HUWE1: variants seen among roughly 807,000 people sequenced by gnomAD.
HUWE1 encodes the protein HECT, UBA and WWE domain containing E3 ubiquitin protein ligase 1.
Under a neutral mutation model 299.4 loss-of-function variants are expected in HUWE1, and 18 were observed. The observed-to-expected ratio is 0.06, with a 90% confidence interval of 0.04 to 0.09. HUWE1 has a LOEUF of 0.09. Among genes scored for constraint, HUWE1 ranks in the 10% least tolerant of loss-of-function variants. The pLI, the probability that HUWE1 is intolerant of heterozygous loss-of-function variation, is 1.00. For synonymous variants in HUWE1, 1,317 were observed against 1,286.1 expected, an observed-to-expected ratio of 1.02 and a Z score of -0.51; for missense variants, 1,832 against 3,462.3, an observed-to-expected ratio of 0.53 and a Z score of 11.82.
intron 74 of HUWE1, among the ~76,000 whole-genome samples, chrX:53,541,524 G>A (rs112640988): frequency 9.0e-6 from 1 of 111,679 alleles, no homozygotes; most frequent in Non-Finnish European, 1.9e-5. Flanking sequence ...AATCCAGGAG[G>A]CGGAGGTTGC....
intron 37 of HUWE1, among the ~76,000 whole-genome samples, chrX:53,587,514 C>T (rs782138231): frequency 5.0e-4 from 56 of 111,913 alleles, no homozygotes; most frequent in Non-Finnish European, 8.7e-4. Flanking sequence ...ACAGTCTTAT[C>T]CCAATTGCTT....
chrX:53,578,485 G>A lies in HUWE1; in HGVS notation c.5717-1418C>T, dbSNP rs782639764. On this transcript the variant is annotated intron_variant, in intron 43 of 83. Transcript: ENST00000262854. Reference sequence around the variant, plus strand: ...GTCGCCCCGTCCAGGAGGGAGGTGGGGGGGTCAGCCCCCGGCCCGGCCAGC... The same window carrying A: ...GTCGCCCCGTCCAGGAGGGAGGTGGAGGGGTCAGCCCCCGGCCCGGCCAGC... Among the ~76,000 whole-genome samples, 77 of 100,559 alleles carry A rather than the reference G, an allele frequency of 7.7e-4. 1 individual carries two copies. In the South Asian group the frequency reaches 0.037, roughly 49 times the overall value. 87.3% of individuals were successfully genotyped at this position (100,559 alleles called of 115,157 possible). A position where few individuals can be genotyped will look rare whatever the true frequency, so the allele number is the denominator to read the frequency against.
At chrX:53,596,479 C>A (rs782383594) in intron 29 of HUWE1, among the ~76,000 whole-genome samples, 28 of 112,160 alleles carry the variant, frequency 2.5e-4, no homozygotes, top group African/African-American at 7.4e-4. Context: ...CACTTATACA[C>A]GGTGCCATTT....
At chrX:53,663,407 G>A (rs782342936) in intron 3 of HUWE1, among the ~76,000 whole-genome samples, 4 of 111,317 alleles carry the variant, frequency 3.6e-5, no homozygotes, top group Non-Finnish European at 7.5e-5. Flanking sequence ...CAGCTACTTC[G>A]GAGGCTGAGG....
intron 7 of HUWE1, among the ~76,000 whole-genome samples, chrX:53,640,475 T>C (rs1301060371): frequency 8.9e-6 from 1 of 112,280 alleles, no homozygotes; most frequent in Non-Finnish European, 1.9e-5. Context: ...ATATTAGTAT[T>C]GGAGGTACCA....
Position 53,641,960 on chromosome X carries a change from C to T in HUWE1, c.504+3351G>A, listed in dbSNP as rs149334358. Among the ~76,000 whole-genome samples, 235 of 110,964 alleles carry T rather than the reference C, an allele frequency of 2.1e-3. 2 individuals are homozygous for T. The highest frequency in any genetic ancestry group is 7.5e-3 in the African/African-American group (228 of 30,516). On this transcript the variant is annotated intron_variant, in intron 7 of 83. Coordinates refer to ENST00000262854, the MANE Select transcript of HUWE1 (RefSeq NM_031407.7). ...TATCCATAGGGATACATTCCAAGAC[C>T]CCTAGTGGATACCCGAAAATACAGG... is the stretch of plus-strand genomic sequence containing the variant.
At position 53,607,546 on chromosome X, in the gene HUWE1, C is replaced by T; in HGVS notation, c.2473G>A (p.Ala825Thr). 8.3e-7 allele frequency: 1 copy of T among 1,211,440 alleles called. No individual in the cohort carries two copies. Among genetic ancestry groups the T allele is most frequent in the Middle Eastern group, 2.3e-4 (1 of 4,356 alleles). ...FPTSAACQAV[A>T]GVCKSILTLS... ...ACCAATATGGATTTGCAGACACCTGCAACAGCCTGACAGGCAGCAGATGTG... is the reference window on the plus strand; with the variant it reads ...ACCAATATGGATTTGCAGACACCTGTAACAGCCTGACAGGCAGCAGATGTG... Residue 825 changes from alanine to threonine, a missense_variant, in exon 25 of 84, where the codon GCA becomes ACA. Ala to Thr is a moderately conservative substitution (Grantham distance 58). This residue lies in a region of HUWE1 where 658 missense variants were observed against 1,282.6 expected (regional missense o/e 0.51). Transcript: ENST00000262854.
Position 53,628,798 on chromosome X carries a change from A to G in HUWE1, c.1068T>C (p.His356=). 8.3e-7 allele frequency: 1 copy of G among 1,211,494 alleles called. No individual in the cohort carries two copies. Among genetic ancestry groups the G allele is most frequent in the South Asian group, 1.8e-5 (1 of 56,983 alleles). The part of the protein sequence containing the change: ...IIDCTGTASY[H]GFLPVLVRNC... ...TCCTTACAAGCACTGGCAAAAATCC[A>G]TGGTAGGAGGCAGTTCCAGTACAGT... Residue 356 remains histidine, a synonymous_variant, in exon 14 of 84, where the codon CAT becomes CAC. Coordinates refer to ENST00000262854, the MANE Select transcript of HUWE1 (RefSeq NM_031407.7).
At chrX:53,584,668 AG>A (rs1469862070) in intron 40 of HUWE1, among the ~76,000 whole-genome samples, 5 of 111,784 alleles carry the variant, frequency 4.5e-5, no homozygotes, top group African/African-American at 1.6e-4. Context: ...CAATGACCTT[AG>A]GAAGACTCGA....
intron 19 of HUWE1, among the ~76,000 whole-genome samples, chrX:53,623,060 C>A (rs191503390): frequency 1.8e-5 from 2 of 111,776 alleles, no homozygotes; most frequent in African/African-American, 6.5e-5. Context: ...TGGACCTTCA[C>A]TGACCTTTGA....
intron 32 of HUWE1, among the ~76,000 whole-genome samples, chrX:53,592,977 T>C (rs1339085483): frequency 8.9e-6 from 1 of 112,043 alleles, no homozygotes; most frequent in African/African-American, 3.2e-5. Context: ...CCATGTGACA[T>C]GCAAGCTCCC....
rs1268842500 is a variant in HUWE1 at position 53,615,780 on chromosome X, G to A, written c.2013C>T (p.Pro671=). 1 of 1,209,914 alleles carries A rather than the reference G, an allele frequency of 8.3e-7. No individual in the cohort carries two copies. The highest frequency in any genetic ancestry group is 1.8e-5 in the South Asian group (1 of 56,862). ...CAGTCGTTGCATCTGTTTTAAGGGT[G>A]GGCTGATGTCTCATGAGCTCATCGA... ...SAVDELMRHQ[P]TLKTDATTAI... The change falls in exon 22 of 84, where the codon CCC becomes CCT. Residue 671 remains proline, a synonymous_variant. Coordinates refer to ENST00000262854, the MANE Select transcript of HUWE1 (RefSeq NM_031407.7).
At position 53,589,690 on chromosome X, in the gene HUWE1, T is replaced by C; in HGVS notation, c.4318A>G (p.Thr1440Ala). ...AAGCAGCCTGGCAACATAGTATCTG[T>C]GAAAGTGTGGAGCTCATCTTGTTCC... ...PLEQDELHTF[T>A]DTMLPGCFHL... The change falls in exon 36 of 84, where the codon ACA (threonine) becomes GCA (alanine). Residue 1440 changes from threonine (T) to alanine (A), a missense_variant. Coordinates refer to ENST00000262854, the MANE Select transcript of HUWE1 (RefSeq NM_031407.7). 8.3e-7 allele frequency: 1 copy of C among 1,211,711 alleles called. No individual in the cohort carries two copies. The highest frequency in any genetic ancestry group is 1.1e-6 in the Non-Finnish European group (1 of 895,491).
rs371060814 is a variant in HUWE1 at position 53,536,451 on chromosome X, T to C, written c.12354A>G (p.Val4118=). The C allele has an allele frequency of 7.4e-6, 9 of 1,209,164 alleles. No individual in the cohort carries two copies. Among genetic ancestry groups the C allele is most frequent in the Admixed American group, 2.2e-5 (1 of 45,632 alleles). Residue 4118 remains valine (V), a synonymous_variant, in exon 79 of 84, where the codon GTA becomes GTG. Coordinates refer to ENST00000262854, the MANE Select transcript of HUWE1 (RefSeq NM_031407.7). ...KFVGRIVAKA[V]YDNRLLECYF... The stretch of plus-strand genomic sequence containing the variant: ...AGCACTCCAGAAGACGGTTGTCATA[T>C]ACAGCTTTGGCCACAATGCGTCCGA...
intron 19 of HUWE1, among the ~76,000 whole-genome samples, chrX:53,623,248 T>C (rs1178697852): frequency 9.0e-6 from 1 of 111,633 alleles, no homozygotes; most frequent in Non-Finnish European, 1.9e-5. Flanking sequence ...GCTTCCCATT[T>C]ATAGAAAAAT....
chrX:53,584,693 A>T (rs1316755439), intron 40 of HUWE1, among the ~76,000 whole-genome samples: 1 of 111,573 alleles, frequency 9.0e-6, no homozygotes, highest in Non-Finnish European at 1.9e-5. Context: ...TCTGAAATCT[A>T]TACTTAATTA....
At chrX:53,586,738 C>T (rs2063879574) in intron 38 of HUWE1, 44 bp downstream of exon 38, 1 of 1,205,950 alleles carries the variant, frequency 8.3e-7, no homozygotes, top group African/African-American at 1.8e-5. Context: ...GCCCATGTCC[C>T]AGGGAAATAG....
At chrX:53,562,717 C>T in intron 53 of HUWE1, 114 bp downstream of exon 53, 1 of 587,404 alleles carries the variant, frequency 1.7e-6, no homozygotes, top group East Asian at 3.3e-5. Context: ...CGCATGCAGA[C>T]AGATGCTTCC....
intron 3 of HUWE1, among the ~76,000 whole-genome samples, chrX:53,667,037 T>C (rs1443240804): frequency 9.0e-6 from 1 of 111,473 alleles, no homozygotes; most frequent in Non-Finnish European, 1.9e-5. Context: ...AATACTCAGA[T>C]AGCCAGGTGT....
Sources: gnomAD v4.1 joint callset for allele counts (sites outside exome capture counted in the v4.1 genomes callset) on GRCh38, gnomAD v4.1.1 for gene constraint, gnomAD v4.1.1 regional missense constraint, MANE v1.5 for transcripts, NCBI Gene and HGNC (gene_info 2026-07-23, HGNC 2026-07-21) for gene names.